The following PALLD variants were observed in gnomAD, a reference collection of about 807,000 sequenced individuals.
PALLD encodes the protein palladin, cytoskeletal associated protein.
PALLD carries 61 observed loss-of-function variants against 123.5 expected under a neutral mutation model. The ratio of observed to expected loss-of-function variants is 0.49; its 90% CI spans 0.40 to 0.61. PALLD has a LOEUF of 0.61. PALLD is among the 20% of genes least tolerant of loss of function. The pLI, the probability that PALLD is intolerant of heterozygous loss-of-function variation, is 0.00. For missense variants in PALLD, 1,273 were observed against 1,377.0 expected, an observed-to-expected ratio of 0.92 and a Z score of 1.20; for synonymous variants, 465 against 496.4, an observed-to-expected ratio of 0.94 and a Z score of 0.84.
At chr4:168,517,997 CTG>C (rs1169529471) in intron 2 of PALLD, among the ~76,000 whole-genome samples, 4 of 149,828 alleles carry the variant, frequency 2.7e-5, no homozygotes, top group Non-Finnish European at 5.9e-5. Context: ...ATATCGATGT[CTG>C]ATACTCTTAT....
At chr4:168,656,410 A>T (rs1304634601) in intron 2 of PALLD, among the ~76,000 whole-genome samples, 1 of 151,922 alleles carries the variant, frequency 6.6e-6, no homozygotes, top group East Asian at 1.9e-4. Context: ...GTGTAACTTG[A>T]GAATTTGTGA....
chr4:168,637,360 C>A (rs945141295), intron 2 of PALLD, among the ~76,000 whole-genome samples: 2 of 152,096 alleles, frequency 1.3e-5, no homozygotes, highest in African/African-American at 4.8e-5. Context: ...AAGGGACTAC[C>A]AGTAGACAAC....
chr4:168,589,095 G>A (rs916096910), intron 2 of PALLD, among the ~76,000 whole-genome samples: 5 of 152,220 alleles, frequency 3.3e-5, no homozygotes, highest in Admixed American at 1.3e-4. Flanking sequence ...GTACTGGTTC[G>A]TCAGAGCTGG....
intron 9 of PALLD, among the ~76,000 whole-genome samples, chr4:168,709,507 CAAGG>C (rs1352900768): frequency 1.2e-4 from 11 of 91,566 alleles, no homozygotes; most frequent in South Asian, 3.9e-4. Flanking sequence ...CAGACTCCAT[CAAGG>C]AAGGAAGGAA....
intron 10 of PALLD, among the ~76,000 whole-genome samples, chr4:168,748,772 A>G (rs1311388061): frequency 6.6e-6 from 1 of 152,106 alleles, no homozygotes; most frequent in African/African-American, 2.4e-5. Flanking sequence ...CATTTAATGG[A>G]GGCTGCCCTC....
At chr4:168,888,744 A>G (rs1753719943) in intron 10 of PALLD, among the ~76,000 whole-genome samples, 1 of 152,160 alleles carries the variant, frequency 6.6e-6, no homozygotes, top group African/African-American at 2.4e-5. Context: ...ATTGGCGTAC[A>G]TTAATTACCC....
intron 10 of PALLD, among the ~76,000 whole-genome samples, chr4:168,817,060 G>A (rs1287247893): frequency 6.6e-6 from 1 of 152,060 alleles, no homozygotes; most frequent in Non-Finnish European, 1.5e-5. Flanking sequence ...AAGAAGAAAG[G>A]GCAAAGGATT....
intron 2 of PALLD, among the ~76,000 whole-genome samples, chr4:168,575,958 T>G (rs988602938): frequency 6.6e-6 from 1 of 152,214 alleles, no homozygotes; most frequent in Non-Finnish European, 1.5e-5. Flanking sequence ...ATCTATATTT[T>G]TAATGAGGAG....
chr4:168,793,981 AC>A (rs1738020595), intron 10 of PALLD, among the ~76,000 whole-genome samples: 1 of 152,112 alleles, frequency 6.6e-6, no homozygotes, highest in African/African-American at 2.4e-5. Flanking sequence ...TAGGGTATCC[AC>A]CGGGGAGGCA....
At chr4:168,647,215 A>C (rs917725653) in intron 2 of PALLD, among the ~76,000 whole-genome samples, 2 of 152,196 alleles carry the variant, frequency 1.3e-5, no homozygotes, top group Non-Finnish European at 2.9e-5. Context: ...AAGATTAGAC[A>C]GTAGAATATT....
intron 2 of PALLD, among the ~76,000 whole-genome samples, chr4:168,618,272 T>C (rs563063284): frequency 1.2e-4 from 19 of 152,306 alleles, no homozygotes; most frequent in African/African-American, 4.6e-4. Context: ...TTATATGTAA[T>C]AATCATATAA....
intron 9 of PALLD, 29 bp from the exon 10 acceptor site, chr4:168,711,552 A>T (rs1364697489): frequency 1.4e-5 from 21 of 1,483,768 alleles, no homozygotes; most frequent in Non-Finnish European, 1.9e-5. Flanking sequence ...GCATCTTCTT[A>T]TGTTTTTCCT....
In PALLD at chr4:168,810,427, G is replaced by A. The variant is rs190079430; in HGVS notation, c.1965-80495G>A. The stretch of plus-strand genomic sequence containing the variant: ...CCCAGCACTTTGGGAGGCCAAGGCT[G>A]GTGGATCACCTGAGGTCAGGAGTTC... On this transcript the variant is annotated intron_variant, in intron 10 of 21. Transcript: ENST00000505667. 4.1e-3 allele frequency among the ~76,000 whole-genome samples: 619 copies of A among 152,232 alleles called. 1 individual carries two copies. Among genetic ancestry groups the A allele is most frequent in the Non-Finnish European group, 7.8e-3 (528 of 68,006 alleles).
chr4:168,749,722 T>C (rs933913442), intron 10 of PALLD, among the ~76,000 whole-genome samples: 1 of 152,070 alleles, frequency 6.6e-6, no homozygotes, highest in Non-Finnish European at 1.5e-5. Flanking sequence ...GTAATAATGA[T>C]AATTTCAACC....
chr4:168,623,962 C>T (rs937001238), intron 2 of PALLD, among the ~76,000 whole-genome samples: 2 of 152,128 alleles, frequency 1.3e-5, no homozygotes, highest in Admixed American at 6.5e-5. Flanking sequence ...TAATAAGATA[C>T]ATGTTATTCA....
intron 13 of PALLD, 105 bp from the exon 14 acceptor site, chr4:168,898,388 G>A (rs1755721721): frequency 1.3e-6 from 1 of 764,062 alleles, no homozygotes; most frequent in African/African-American, 1.7e-5. Context: ...TAAGCTGTAT[G>A]GTAAAAATAT....
intron 10 of PALLD, among the ~76,000 whole-genome samples, chr4:168,776,913 A>C (rs984022973): frequency 6.6e-6 from 1 of 152,094 alleles, no homozygotes; most frequent in Admixed American, 6.6e-5. Flanking sequence ...TTCCCAGTAC[A>C]CTTGATAATT....
chr4:168,759,200 A>ATGT (rs1732418504), intron 10 of PALLD, among the ~76,000 whole-genome samples: 2 of 27,966 alleles, frequency 7.2e-5, no homozygotes, highest in Non-Finnish European at 1.4e-4. Context: ...AAAAAAAAAA[A>ATGT]AAATATATAT....
At position 168,915,860 on chromosome 4, in the gene PALLD, T is replaced by C. The variant is rs1287033157; in HGVS notation, c.2718-35T>C. On this transcript the variant is annotated intron_variant, in intron 16 of 21. Transcript: ENST00000505667. ...AAAGTCTGGAAGTAACTACTATCTA[T>C]ATTTCTATCTATCTGTCATCTTTCT... 5.7e-6 allele frequency: 9 copies of C among 1,575,992 alleles called. No homozygotes were observed. The South Asian group carries it at 1.0e-4, about 17-fold the overall frequency.
Sources: gnomAD v4.1 joint callset for allele counts (sites outside exome capture counted in the v4.1 genomes callset) on GRCh38, gnomAD v4.1.1 for gene constraint, MANE v1.5 for transcripts, NCBI Gene and HGNC (gene_info 2026-07-23, HGNC 2026-07-21) for gene names.